Variants in PGAP4 observed in about 807,000 individuals in gnomAD.
PGAP4 encodes the protein GPI-N-acetylgalactosamine transferase PGAP4.
A neutral mutation model predicts 28.2 loss-of-function variants in PGAP4; 12 were observed. The ratio of observed to expected loss-of-function variants is 0.42; its 90% CI spans 0.27 to 0.69. The LOEUF (loss-of-function observed/expected upper bound fraction) is 0.69, where lower values mean the gene tolerates loss of function less well. PGAP4 is among the 30% of genes least tolerant of loss of function. The pLI is 0.22. For missense variants in PGAP4, 425 were observed against 513.5 expected (o/e 0.83, Z 1.67); for synonymous variants, 205 against 211.8 (o/e 0.97, Z 0.28).
intron 2 of PGAP4, among the ~76,000 whole-genome samples, chr9:101,495,359 G>C (rs200567443): frequency 0.054 from 397 of 7,352 alleles, no homozygotes; most frequent in South Asian, 0.088. Flanking sequence ...ATTATATGTA[G>C]TTATATTTTA....
intron 2 of PGAP4, among the ~76,000 whole-genome samples, chr9:101,495,959 G>A (rs1271781016): frequency 6.6e-6 from 1 of 151,386 alleles, no homozygotes; most frequent in Non-Finnish European, 1.5e-5. Flanking sequence ...AATTTAATCA[G>A]ATGCCAGAAA....
intron 2 of PGAP4, among the ~76,000 whole-genome samples, chr9:101,498,794 A>C (rs992389275): frequency 2.0e-5 from 3 of 152,010 alleles, no homozygotes; most frequent in Non-Finnish European, 4.4e-5. Context: ...AATCCAGGGA[A>C]TATCAGGGGT....
chr9:101,482,312 G>T (rs1238720480), intron 1 of PGAP4, among the ~76,000 whole-genome samples: 1 of 152,132 alleles, frequency 6.6e-6, no homozygotes, highest in Non-Finnish European at 1.5e-5. Flanking sequence ...TGGGTGTGGT[G>T]GCACGTGCCT....
At chr9:101,491,579 T>C (rs1227105442), upstream of PGAP4, among the ~76,000 whole-genome samples, 2 of 152,094 alleles carry the variant, frequency 1.3e-5, no homozygotes, top group African/African-American at 2.4e-5. Flanking sequence ...ATTGACTACC[T>C]GATTCAGATC....
Position 101,476,554 on chromosome 9 carries a change from G to A in PGAP4, c.539C>T (p.Ser180Leu), listed in dbSNP as rs779324502. 5.0e-6 allele frequency: 8 copies of A among 1,614,156 alleles called. No homozygotes were observed. Among genetic ancestry groups the A allele is most frequent in the South Asian group, 3.3e-5 (3 of 91,082 alleles). ...CTTCTCTTTCTCAAACGAGTTGGTC[G>A]AAGGGTCATCACCATAATCATCCTC... ...GTEDDYGDDP[S>L]TNSFEKEKQD... The change falls in exon 2 of 2, where the codon TCG becomes TTG. Residue 180 changes from serine to leucine, a missense_variant. By Grantham distance (145) the Ser-to-Leu change is moderately radical. Coordinates refer to ENST00000374848, the MANE Select transcript of PGAP4 (RefSeq NM_032342.3). This position sits in a 1 kb window ranked among gnomAD's most constrained non-coding sequence, Gnocchi z 7.0.
At chr9:101,493,614 G>T (rs932158180) in intron 2 of PGAP4, among the ~76,000 whole-genome samples, 1 of 152,158 alleles carries the variant, frequency 6.6e-6, no homozygotes, top group Non-Finnish European at 1.5e-5. Flanking sequence ...AGTGAAAAAG[G>T]TAGCATTAAG....
intron 2 of PGAP4, among the ~76,000 whole-genome samples, chr9:101,495,138 A>G (rs924942124): frequency 8.4e-6 from 1 of 119,250 alleles, no homozygotes; most frequent in African/African-American, 3.1e-5. Context: ...CTATTTCTAT[A>G]AGATTTTATA....
rs116243567 is a variant in PGAP4 at position 101,517,781 on chromosome 9, G to A, written c.-165+13567C>T. Among the ~76,000 whole-genome samples, 240 of 152,244 alleles carry A rather than the reference G, an allele frequency of 1.6e-3. 1 individual carries two copies. The highest frequency in any genetic ancestry group is 5.7e-3 in the African/African-American group (235 of 41,560). On this transcript the variant is annotated intron_variant, in intron 2 of 3. Transcript: ENST00000374851. ...GTTTCCCAGGATTTGTGACTTCCACGGAAGCTTAAGCCAGACTCTATTTAG... is the reference window on the plus strand; with the variant it reads ...GTTTCCCAGGATTTGTGACTTCCACAGAAGCTTAAGCCAGACTCTATTTAG...
At chr9:101,529,667 G>C (rs1827069538) in intron 2 of PGAP4, among the ~76,000 whole-genome samples, 2 of 152,168 alleles carry the variant, frequency 1.3e-5, no homozygotes, top group Non-Finnish European at 2.9e-5. Flanking sequence ...TAGTATAGTG[G>C]GCCAGGTGAT....
intron 2 of PGAP4, among the ~76,000 whole-genome samples, chr9:101,508,868 A>G (rs1178243985): frequency 1.3e-5 from 2 of 152,180 alleles, no homozygotes; most frequent in African/African-American, 4.8e-5. Flanking sequence ...TGTTGCTTAC[A>G]TTCAGTCTAC....
chr9:101,513,784 A>G (rs762058015), intron 2 of PGAP4, among the ~76,000 whole-genome samples: 1 of 152,134 alleles, frequency 6.6e-6, no homozygotes, highest in Non-Finnish European at 1.5e-5. Flanking sequence ...TGCAAGCTCA[A>G]GACCCTGGGA....
chr9:101,497,925 A>G (rs938855804), intron 2 of PGAP4, among the ~76,000 whole-genome samples: 1 of 151,786 alleles, frequency 6.6e-6, no homozygotes, highest in African/African-American at 2.4e-5. Context: ...TATAGTTTTT[A>G]TTTTAGAATT....
rs71356369 is a variant in PGAP4, at chr9:101,523,619, C to CTTTTTTTTTTTTTTTTTTTTTTTT, written c.-165+7705_-165+7728dup. Among the ~76,000 whole-genome samples, 25 of 59,350 alleles carry CTTTTTTTTTTTTTTTTTTTTTTTT rather than the reference C, an allele frequency of 4.2e-4. 4 individuals are homozygous for CTTTTTTTTTTTTTTTTTTTTTTTT. The highest frequency in any genetic ancestry group is 1.3e-3 in the African/African-American group (18 of 14,128). 38.9% of individuals were successfully genotyped at this position (59,350 alleles called of 152,430 possible). On this transcript the variant is annotated intron_variant, in intron 2 of 3. Transcript: ENST00000374851. ...ACATTTCTCCCCTCACTTCTTGTATCTTTTTTTTTTTTTTTTTTTTTTTTT... is the reference window on the plus strand; with the variant it reads ...ACATTTCTCCCCTCACTTCTTGTATCTTTTTTTTTTTTTTTTTTTTTTTTTTTTTTTTTTTTTTTTTTTTTTTTT...
chr9:101,511,884 A>C (rs1826901419), intron 2 of PGAP4, among the ~76,000 whole-genome samples: 1 of 152,100 alleles, frequency 6.6e-6, no homozygotes, highest in Admixed American at 6.5e-5. Flanking sequence ...CTAGGATGGG[A>C]TAGTCTTCCT....
rs182072680 is a variant in PGAP4 at position 101,521,227 on chromosome 9, C to T, written c.-165+10121G>A. 3.1e-3 allele frequency among the ~76,000 whole-genome samples: 472 copies of T among 152,232 alleles called. 2 individuals are homozygous for T. The highest frequency in any genetic ancestry group is 0.01 in the African/African-American group (420 of 41,552). On this transcript the variant is annotated intron_variant, in intron 2 of 3. Coordinates refer to the PGAP4 transcript ENST00000374851. Reference sequence around the variant, plus strand: ...AGTTTTGGTATTAGGGTGATGCTGGCTTCATAAAATGAATTAGGGGAGGTT... The same window carrying T: ...AGTTTTGGTATTAGGGTGATGCTGGTTTCATAAAATGAATTAGGGGAGGTT...
chr9:101,505,337 A>C (rs1385858364), intron 2 of PGAP4, among the ~76,000 whole-genome samples: 1 of 152,132 alleles, frequency 6.6e-6, no homozygotes, highest in African/African-American at 2.4e-5. Flanking sequence ...AGGAAGACAG[A>C]ATTGGATGCA....
At chr9:101,499,048 G>A (rs1004000863) in intron 2 of PGAP4, among the ~76,000 whole-genome samples, 2 of 151,886 alleles carry the variant, frequency 1.3e-5, no homozygotes, top group Admixed American at 6.6e-5. Context: ...CTCACAGACC[G>A]AATGTAAATT....
At chr9:101,484,391 T>C (rs1397186748) in intron 1 of PGAP4, among the ~76,000 whole-genome samples, 2 of 152,076 alleles carry the variant, frequency 1.3e-5, no homozygotes, top group East Asian at 3.9e-4. Context: ...GCTGTGGAAA[T>C]GTTAAGAAGA....
chr9:101,490,924 G>T (rs894196095), upstream of PGAP4, among the ~76,000 whole-genome samples: 1 of 152,168 alleles, frequency 6.6e-6, no homozygotes, highest in Non-Finnish European at 1.5e-5. Context: ...TATGCCACAC[G>T]TTGGCTATTG....
Sources: gnomAD v4.1 joint callset for allele counts (sites outside exome capture counted in the v4.1 genomes callset) on GRCh38, gnomAD v4.1.1 for gene constraint, Gnocchi (gnomAD v3.1) non-coding constraint, MANE v1.5 for transcripts, NCBI Gene and HGNC (gene_info 2026-07-23, HGNC 2026-07-21) for gene names.